The following NDUFS7 variants were observed in gnomAD, a reference collection of about 807,000 sequenced individuals.
The protein encoded by NDUFS7 is NADH:ubiquinone oxidoreductase core subunit S7, also known as NADH dehydrogenase [ubiquinone] iron-sulfur protein 7, mitochondrial.
Under a neutral mutation model 31.1 loss-of-function variants are expected in NDUFS7, and 11 were observed. The observed-to-expected ratio is 0.35, with a 90% CI of 0.22 to 0.59. The LOEUF is 0.59. Ranked by LOEUF, NDUFS7 falls within the 20% of genes least tolerant of loss-of-function variation. NDUFS7 has a pLI of 0.79. For missense variants in NDUFS7, 263 were observed against 324.2 expected, an observed-to-expected ratio of 0.81 and a Z score of 1.45; for synonymous variants, 136 against 127.9, an observed-to-expected ratio of 1.06 and a Z score of -0.43.
rs1234430065 is a variant in NDUFS7 at position 1,393,403 on chromosome 19, T to C, written c.544+73T>C. The stretch of plus-strand genomic sequence containing the variant: ...GCGCCACACGGAGCCCGGCGGCCCC[T>C]GTGAGGGAGTCCCACACCCCCAGCA... On this transcript the variant is annotated intron_variant, in intron 7 of 7. Coordinates refer to ENST00000233627, the MANE Select transcript of NDUFS7 (RefSeq NM_024407.5). The surrounding 1 kb of genome is among the most constrained non-coding windows in gnomAD (Gnocchi z 7.3). The C allele has an allele frequency of 1.5e-6, 2 of 1,297,964 alleles. No individual in the cohort carries two copies. The highest frequency in any genetic ancestry group is 1.1e-6 in the Non-Finnish European group (1 of 927,458). 80.4% of individuals were successfully genotyped at this position (1,297,964 alleles called of 1,614,324 possible). A position where few individuals can be genotyped will look rare whatever the true frequency, so the allele number is the denominator to read the frequency against.
In NDUFS7 at chr19:1,387,926, G is replaced by T. The variant is rs1368180833; in HGVS notation, c.53+79G>T. On this transcript the variant is annotated intron_variant, in intron 2 of 7. Coordinates refer to ENST00000233627, the MANE Select transcript of NDUFS7 (RefSeq NM_024407.5). The stretch of plus-strand genomic sequence containing the variant: ...ACGAACGGGGCGGGGGGGGTGGGGG[G>T]TGGGGGGAGCGCCTTGTTGAAGGTC... 25 of 382,960 alleles carry T rather than the reference G, an allele frequency of 6.5e-5. 3 individuals are homozygous for T. The Admixed American group carries it at 6.6e-4, about 10-fold the overall frequency. 23.7% of individuals were successfully genotyped at this position (382,960 alleles called of 1,614,324 possible). A position where few individuals can be genotyped will look rare whatever the true frequency, so the allele number is the denominator to read the frequency against.
chr19:1,388,046 G>C, intron 2 of NDUFS7, 199 bp downstream of exon 2: 1 of 661,462 alleles, frequency 1.5e-6, no homozygotes, highest in African/African-American at 1.8e-5. Flanking sequence ...AGTGGCAAAG[G>C]CTGGACAGTC....
At chr19:1,383,965 G>A in intron 1 of NDUFS7, 23 bp downstream of exon 1, 4 of 1,560,398 alleles carry the variant, frequency 2.6e-6, no homozygotes, top group Non-Finnish European at 3.5e-6. Context: ...CCGGCGGCGG[G>A]TGTGGGGCCG....
chr19:1,383,966 T>C lies in NDUFS7; in HGVS notation c.16+24T>C. On this transcript the variant is annotated intron_variant, in intron 1 of 7. Transcript: ENST00000233627. ...AGGTGAGCGCGGCACCGGCGGCGGG[T>C]GTGGGGCCGCGCGGGTCTGGGGCCG... The C allele has an allele frequency of 1.9e-6, 3 of 1,558,682 alleles. No individual in the cohort carries two copies. The South Asian group carries it at 3.5e-5, about 18-fold the overall frequency.
rs377418064 is a variant in NDUFS7, at chr19:1,388,820, G to C, written c.123-13G>C. The C allele has an allele frequency of 8.2e-6, 13 of 1,583,368 alleles. No homozygotes were observed. In the African/African-American group the frequency reaches 1.7e-4, roughly 21 times the overall value. On this transcript the variant is annotated splice_polypyrimidine_tract_variant and intron_variant, in intron 3 of 7. Coordinates refer to ENST00000233627, the MANE Select transcript of NDUFS7 (RefSeq NM_024407.5). ...TGGCTGACGCCTCCTGTGCCCGTGT[G>C]TCTCTGTGCCAGCACCCAGCCTGCC...
At chr19:1,390,041 C>G (rs1238633828) in intron 4 of NDUFS7, 1 of 155,370 alleles carries the variant, frequency 6.4e-6, no homozygotes, top group Non-Finnish European at 1.4e-5. Context: ...ACTACAGGTG[C>G]CCGCCACCAC....
At chr19:1,388,126 C>T (rs528573947) in intron 2 of NDUFS7, 8 of 600,354 alleles carry the variant, frequency 1.3e-5, no homozygotes, top group African/African-American at 1.3e-4. Flanking sequence ...GGAAGGCATT[C>T]TCTGAGCCCT....
rs1048369740 is a variant in NDUFS7 at position 1,393,704 on chromosome 19, C to T, written c.544+374C>T. 1.8e-6 allele frequency: 1 copy of T among 562,942 alleles called. No individual in the cohort carries two copies. The highest frequency in any genetic ancestry group is 3.2e-6 in the Non-Finnish European group (1 of 314,060). 34.9% of individuals were successfully genotyped at this position (562,942 alleles called of 1,614,324 possible). On this transcript the variant is annotated intron_variant, in intron 7 of 7. Transcript: ENST00000233627. This position sits in a 1 kb window ranked among gnomAD's most constrained non-coding sequence, Gnocchi z 7.3. The stretch of plus-strand genomic sequence containing the variant: ...GCGCCCTCAGCCTTACAGAAGGGCA[C>T]GCAGGACTCCCTGGGACCCGGGGTG...
At chr19:1,395,084 C>A (rs2082586846) in intron 7 of NDUFS7, 3 of 1,295,864 alleles carry the variant, frequency 2.3e-6, no homozygotes, top group Non-Finnish European at 3.0e-6. Flanking sequence ...CCCATTGAGT[C>A]CTGAGGGCTG....
chr19:1,388,366 G>T, intron 2 of NDUFS7, 159 bp from the exon 3 acceptor site: 6 of 702,402 alleles, frequency 8.5e-6, no homozygotes, highest in South Asian at 1.6e-5. Context: ...GGCGATGGCC[G>T]CATGGCTCCA....
chr19:1,387,920 T>TGGGGG, intron 2 of NDUFS7, 73 bp downstream of exon 2: 1 of 118,770 alleles, frequency 8.4e-6, no homozygotes, highest in Non-Finnish European at 1.5e-5. Context: ...GCGGGGGGGG[T>TGGGGG]GGGGGGTGGG....
At chr19:1,394,370 C>A in intron 7 of NDUFS7, 5 of 1,289,210 alleles carry the variant, frequency 3.9e-6, no homozygotes, top group Non-Finnish European at 5.1e-6. Context: ...GCAGTGCAGA[C>A]CAATGGGGCA....
At chr19:1,388,999 C>A in intron 4 of NDUFS7, 61 bp downstream of exon 4, 1 of 1,277,776 alleles carries the variant, frequency 7.8e-7, no homozygotes, top group Non-Finnish European at 1.1e-6. Flanking sequence ...CACTCACAGG[C>A]ACACACATAC....
intron 4 of NDUFS7, 90 bp from the exon 5 acceptor site, chr19:1,390,781 G>A (rs1161947681): frequency 1.4e-6 from 2 of 1,456,012 alleles, no homozygotes; most frequent in East Asian, 2.4e-5. Flanking sequence ...CGGGACATGA[G>A]TCGGGGGTTC....
At chr19:1,394,131 G>A (rs1168736418) in intron 7 of NDUFS7, 2 of 342,584 alleles carry the variant, frequency 5.8e-6, no homozygotes, top group Admixed American at 7.9e-5. Flanking sequence ...GAGTCTGGGG[G>A]TTTGGGCAAG....
At chr19:1,384,660 T>C (rs1289089466) in intron 1 of NDUFS7, among the ~76,000 whole-genome samples, 1 of 152,096 alleles carries the variant, frequency 6.6e-6, no homozygotes, top group Non-Finnish European at 1.5e-5. Flanking sequence ...ATTGCGACTG[T>C]GATTTGGAAG....
At chr19:1,391,228 C>T (rs1232450531) in intron 6 of NDUFS7, 63 bp downstream of exon 6, 1 of 1,562,974 alleles carries the variant, frequency 6.4e-7, no homozygotes, top group Non-Finnish European at 8.7e-7. Flanking sequence ...TGGCCGTGCC[C>T]TGATGGCGCT....
chr19:1,391,097 A>T (rs768159323), intron 5 of NDUFS7, 22 bp from the exon 6 acceptor site: 1 of 1,609,028 alleles, frequency 6.2e-7, no homozygotes, highest in South Asian at 1.1e-5. Flanking sequence ...TGAGCTGCGC[A>T]CGGACCCCGC....
chr19:1,395,014 C>T (rs1034393488), intron 7 of NDUFS7: 51 of 1,145,480 alleles, frequency 4.5e-5, no homozygotes, highest in South Asian at 1.7e-4. Flanking sequence ...CCTCCATCTC[C>T]GTCCAGGGCA....
Sources: allele counts gnomAD v4.1 joint callset (sites outside exome capture counted in the v4.1 genomes callset), GRCh38; gene constraint gnomAD v4.1.1; non-coding constraint Gnocchi (gnomAD v3.1); transcripts MANE v1.5; gene names NCBI Gene and HGNC (gene_info 2026-07-23, HGNC 2026-07-21).